Variants in NPAS3 observed in about 807,000 individuals in gnomAD.
NPAS3 encodes neuronal PAS domain-containing protein 3.
Under a neutral mutation model 73.1 loss-of-function variants are expected in NPAS3, and 14 were observed. The observed-to-expected ratio is 0.19, with a 90% CI of 0.13 to 0.30. The LOEUF (loss-of-function observed/expected upper bound fraction) is 0.30. Among genes scored for constraint, NPAS3 ranks in the 10% least tolerant of loss-of-function variants. NPAS3 has a pLI of 1.00. For missense variants in NPAS3, 1,096 were observed against 1,250.0 expected (o/e 0.88, Z 1.86); for synonymous variants, 620 against 541.5 (o/e 1.14, Z -2.01).
chr14:33,333,067 A>G (rs906422741), intron 3 of NPAS3, among the ~76,000 whole-genome samples: 1 of 152,256 alleles, frequency 6.6e-6, no homozygotes, highest in Admixed American at 6.5e-5. Context: ...TAGTCAGAGC[A>G]TCTGCAGTCC....
At chr14:33,106,796 G>T (rs559250995) in intron 2 of NPAS3, among the ~76,000 whole-genome samples, 1 of 152,256 alleles carries the variant, frequency 6.6e-6, no homozygotes, top group East Asian at 1.9e-4. Context: ...TATAAATTAT[G>T]ATAAAACCAA....
At chr14:33,522,736 G>T (rs574420635) in intron 4 of NPAS3, among the ~76,000 whole-genome samples, 1 of 151,990 alleles carries the variant, frequency 6.6e-6, no homozygotes. Flanking sequence ...TACTCCTTTG[G>T]TTATATGTAT....
intron 3 of NPAS3, among the ~76,000 whole-genome samples, chr14:33,301,764 G>A (rs902443068): frequency 6.6e-6 from 1 of 152,106 alleles, no homozygotes; most frequent in Non-Finnish European, 1.5e-5. Flanking sequence ...AAGTACCATG[G>A]TACTGGTAAC....
intron 3 of NPAS3, among the ~76,000 whole-genome samples, chr14:33,333,277 A>T (rs937900514): frequency 1.3e-5 from 2 of 152,174 alleles, no homozygotes; most frequent in Admixed American, 1.3e-4. Flanking sequence ...TTATGTGTCT[A>T]CTATATGCTT....
intron 3 of NPAS3, among the ~76,000 whole-genome samples, chr14:33,340,196 T>G (rs1210561333): frequency 1.3e-5 from 2 of 152,212 alleles, no homozygotes; most frequent in Non-Finnish European, 2.9e-5. Context: ...TCTTCTTAAG[T>G]ATCAATATTT....
intron 3 of NPAS3, among the ~76,000 whole-genome samples, chr14:33,236,842 G>C (rs2048051715): frequency 1.3e-5 from 2 of 152,104 alleles, no homozygotes; most frequent in African/African-American, 4.8e-5. Context: ...TGGAGAAGCT[G>C]TTTAAGTTCA....
At chr14:33,049,007 G>T (rs900817172) in intron 1 of NPAS3, among the ~76,000 whole-genome samples, 7 of 152,158 alleles carry the variant, frequency 4.6e-5, no homozygotes, top group African/African-American at 1.4e-4. Flanking sequence ...GTAGATCAAA[G>T]CCAGTCTTGG....
At chr14:33,405,390 A>C (rs2047621704) in intron 4 of NPAS3, among the ~76,000 whole-genome samples, 1 of 152,126 alleles carries the variant, frequency 6.6e-6, no homozygotes, top group South Asian at 2.1e-4. Context: ...TCACCTCAGA[A>C]GTAATTCACA....
chr14:32,936,826 T>A (rs553884986), upstream of NPAS3, among the ~76,000 whole-genome samples: 6 of 152,200 alleles, frequency 3.9e-5, no homozygotes, highest in African/African-American at 1.4e-4. Context: ...CCCTACAGTC[T>A]GCCACCTCAG....
chr14:33,342,237 T>A (rs2044521322), intron 3 of NPAS3, among the ~76,000 whole-genome samples: 1 of 152,224 alleles, frequency 6.6e-6, no homozygotes, highest in Non-Finnish European at 1.5e-5. Flanking sequence ...TCATAAGCTG[T>A]GAATTGCCCA....
intron 5 of NPAS3, among the ~76,000 whole-genome samples, chr14:33,652,220 G>C (rs1248968040): frequency 1.1e-4 from 17 of 151,918 alleles, no homozygotes; most frequent in Admixed American, 1.1e-3. Context: ...TGTTGTAATG[G>C]GTGTCAAGGA....
At chr14:33,027,623 G>T (rs1250893378) in intron 1 of NPAS3, among the ~76,000 whole-genome samples, 1 of 152,062 alleles carries the variant, frequency 6.6e-6, no homozygotes, top group Non-Finnish European at 1.5e-5. Flanking sequence ...TTGACGAGAG[G>T]TAATATAATT....
chr14:33,348,857 G>T (rs2044881102), intron 3 of NPAS3, among the ~76,000 whole-genome samples: 2 of 152,178 alleles, frequency 1.3e-5, no homozygotes, highest in African/African-American at 4.8e-5. Context: ...TTCAGGGTTA[G>T]AATTTTATTG....
intron 5 of NPAS3, among the ~76,000 whole-genome samples, chr14:33,595,424 TCTTCTTAAATTATATATTAAGGG>T (rs2057205808): frequency 6.6e-6 from 1 of 152,192 alleles, no homozygotes; most frequent in South Asian, 2.1e-4. Context: ...GGCTGTAATT[TCTTCTTAAATTATATATTAAGGG>T]CTTCTAAAAA....
At chr14:33,234,052 G>A (rs1272513053) in intron 3 of NPAS3, among the ~76,000 whole-genome samples, 1 of 152,066 alleles carries the variant, frequency 6.6e-6, no homozygotes, top group Non-Finnish European at 1.5e-5. Flanking sequence ...CTTAGTGACA[G>A]CAAAACACTA....
intron 1 of NPAS3, among the ~76,000 whole-genome samples, chr14:32,947,258 C>T (rs1286298864): frequency 6.6e-6 from 1 of 152,068 alleles, no homozygotes; most frequent in Admixed American, 6.6e-5. Context: ...AGTAACACTG[C>T]GGAAAAGGAT....
intron 5 of NPAS3, among the ~76,000 whole-genome samples, chr14:33,652,258 T>C (rs1250257118): frequency 1.3e-5 from 2 of 152,210 alleles, no homozygotes; most frequent in Non-Finnish European, 2.9e-5. Context: ...TGGGAATATT[T>C]ACTGATTAAG....
chr14:33,412,063 A>G (rs942737752), intron 4 of NPAS3, among the ~76,000 whole-genome samples: 5 of 152,212 alleles, frequency 3.3e-5, no homozygotes, highest in African/African-American at 4.8e-5. Context: ...GTTTTTAATC[A>G]TAGCAGAAAC....
At chr14:33,678,041 C>T (rs2140344504) in intron 6 of NPAS3, among the ~76,000 whole-genome samples, 1 of 152,280 alleles carries the variant, frequency 6.6e-6, no homozygotes, top group South Asian at 2.1e-4. Flanking sequence ...AGTTTCTAAG[C>T]CTTTGTATGA....
Sources: allele counts gnomAD v4.1 joint callset (sites outside exome capture counted in the v4.1 genomes callset), GRCh38; gene constraint gnomAD v4.1.1; transcripts MANE v1.5; gene names NCBI Gene and HGNC (gene_info 2026-07-23, HGNC 2026-07-21).